The following DST variants were observed in gnomAD, a reference collection of about 807,000 sequenced individuals.
DST encodes bullous pemphigoid antigen.
A neutral mutation model predicts 875.2 loss-of-function variants in DST; 253 were observed. That is an observed-to-expected ratio of 0.29 (90% CI 0.26 to 0.32). The LOEUF (loss-of-function observed/expected upper bound fraction) is 0.32. Ranked by LOEUF, DST falls within the 10% of genes least tolerant of loss-of-function variation. The pLI is 1.00. For missense variants in DST, 8,287 were observed against 9,111.6 expected, an observed-to-expected ratio of 0.91 and a Z score of 3.68; for synonymous variants, 3,124 against 3,197.1, an observed-to-expected ratio of 0.98 and a Z score of 0.77.
chr6:56,634,494 T>C lies in DST; in HGVS notation c.3462A>G (p.Pro1154=). The part of the protein sequence containing the change: ...MVPSVCFTVP[P]PNKEAVDLAN... Reference sequence around the variant, plus strand: ...CAAGGTCCACCGCTTCTTTGTTTGGTGGAGGAACGGTGAAGCACACAGATG... The same window carrying C: ...CAAGGTCCACCGCTTCTTTGTTTGGCGGAGGAACGGTGAAGCACACAGATG... The change falls in exon 26 of 104, where the codon CCA becomes CCG. Residue 1154 remains proline (P), a synonymous_variant. Coordinates refer to ENST00000680361, the MANE Select transcript of DST (RefSeq NM_001374736.1). The C allele has an allele frequency of 6.2e-7, 1 of 1,614,158 alleles. No individual in the cohort carries two copies.
At chr6:56,559,003 T>G (rs1203628267) in intron 58 of DST, among the ~76,000 whole-genome samples, 4 of 152,106 alleles carry the variant, frequency 2.6e-5, no homozygotes, top group African/African-American at 9.7e-5. Context: ...TTTCAGCACT[T>G]CAACACAGTC....
At chr6:56,645,326 G>A (rs1302670644) in intron 15 of DST, among the ~76,000 whole-genome samples, 1 of 152,140 alleles carries the variant, frequency 6.6e-6, no homozygotes, top group Non-Finnish European at 1.5e-5. Flanking sequence ...GATGTAGTGA[G>A]AGACAAAATG....
At chr6:56,814,672 A>G (rs1007116016) in intron 4 of DST, among the ~76,000 whole-genome samples, 3 of 152,224 alleles carry the variant, frequency 2.0e-5, no homozygotes, top group Non-Finnish European at 4.4e-5. Flanking sequence ...CAGAACTATT[A>G]AAAGCAAACC....
chr6:56,671,815 A>G (rs1202639406), intron 9 of DST, among the ~76,000 whole-genome samples: 1 of 152,234 alleles, frequency 6.6e-6, no homozygotes, highest in Non-Finnish European at 1.5e-5. Context: ...AGGCATATGA[A>G]GAACAAATCA....
At chr6:56,676,741 TG>T (rs1563621297) in intron 9 of DST, among the ~76,000 whole-genome samples, 1 of 145,928 alleles carries the variant, frequency 6.9e-6, no homozygotes, top group African/African-American at 2.5e-5. Flanking sequence ...ACAACATGGA[TG>T]AAACTGGAGG....
intron 2 of DST, among the ~76,000 whole-genome samples, chr6:56,921,505 A>G (rs1437959306): frequency 6.6e-6 from 1 of 152,188 alleles, no homozygotes; most frequent in Non-Finnish European, 1.5e-5. Context: ...TTCCATTTGA[A>G]TCTTTTTTTG....
At chr6:56,601,869 G>T in intron 43 of DST, 193 bp from the exon 44 acceptor site, 1 of 494,032 alleles carries the variant, frequency 2.0e-6, no homozygotes, top group Non-Finnish European at 3.5e-6. Context: ...AAATACCATG[G>T]TAGTTAGTAT....
At chr6:56,878,946 C>T (rs1188148954) in intron 3 of DST, among the ~76,000 whole-genome samples, 1 of 152,154 alleles carries the variant, frequency 6.6e-6, no homozygotes, top group Non-Finnish European at 1.5e-5. Context: ...GACCCAAGGG[C>T]TTTCCATTAT....
intron 9 of DST, among the ~76,000 whole-genome samples, chr6:56,679,718 G>C (rs139798123): frequency 0.017 from 2,618 of 151,964 alleles, 27 homozygotes; most frequent in Middle Eastern, 0.024. Flanking sequence ...GTTGCAGTGA[G>C]CCATGACTAT....
chr6:56,563,774 G>C (rs567125533), intron 55 of DST, among the ~76,000 whole-genome samples: 9 of 152,222 alleles, frequency 5.9e-5, no homozygotes, highest in African/African-American at 2.2e-4. Flanking sequence ...TAAGGAAGGG[G>C]TCCAGTTTCA....
intron 49 of DST, among the ~76,000 whole-genome samples, chr6:56,591,510 A>T (rs1337694868): frequency 6.6e-6 from 1 of 152,214 alleles, no homozygotes; most frequent in East Asian, 1.9e-4. Context: ...GCAATGAATA[A>T]AGCAGACAAA....
chr6:56,529,180 T>G (rs891280313), intron 66 of DST, among the ~76,000 whole-genome samples: 21 of 152,238 alleles, frequency 1.4e-4, no homozygotes, highest in Admixed American at 4.6e-4. Flanking sequence ...GAAAATGGGC[T>G]TTGTGGACAT....
At chr6:56,562,252 AT>A (rs1261451089) in intron 55 of DST, 52 bp from the exon 56 acceptor site, 8 of 1,283,388 alleles carry the variant, frequency 6.2e-6, no homozygotes, top group Non-Finnish European at 7.5e-6. Context: ...ATTTCTATAC[AT>A]TAACAGTAGA....
chr6:56,912,463 A>C (rs1799176207), intron 2 of DST, among the ~76,000 whole-genome samples: 1 of 152,240 alleles, frequency 6.6e-6, no homozygotes, highest in Admixed American at 6.5e-5. Context: ...TTGTGTTCTC[A>C]CAGAAAGTTC....
chr6:56,875,959 C>T (rs1358769994), intron 3 of DST, among the ~76,000 whole-genome samples: 1 of 152,134 alleles, frequency 6.6e-6, no homozygotes, highest in Non-Finnish European at 1.5e-5. Context: ...GAAGCTCTAA[C>T]TCCTCACGAA....
intron 9 of DST, among the ~76,000 whole-genome samples, chr6:56,683,602 C>T (rs1471701426): frequency 6.6e-6 from 1 of 152,150 alleles, no homozygotes; most frequent in Non-Finnish European, 1.5e-5. Flanking sequence ...CAATAACTCT[C>T]TACTGAATAA....
At chr6:56,862,537 C>T (rs769543982) in intron 3 of DST, among the ~76,000 whole-genome samples, 1 of 151,942 alleles carries the variant, frequency 6.6e-6, no homozygotes, top group Admixed American at 6.6e-5. Flanking sequence ...GACACTGGGG[C>T]CCAGACTTCA....
chr6:56,947,488 T>C (rs1227841026), intron 2 of DST, among the ~76,000 whole-genome samples: 1 of 152,126 alleles, frequency 6.6e-6, no homozygotes, highest in African/African-American at 2.4e-5. Context: ...GATCTTGTGA[T>C]TCACCCACCT....
At chr6:56,460,276 A>G (rs760404859) in intron 102 of DST, 22 bp from the exon 103 acceptor site, 6 of 1,613,648 alleles carry the variant, frequency 3.7e-6, no homozygotes, top group Non-Finnish European at 5.1e-6. Flanking sequence ...CAGCAACAAG[A>G]CATTTCAAAA....
Sources: allele counts gnomAD v4.1 joint callset (sites outside exome capture counted in the v4.1 genomes callset), GRCh38; gene constraint gnomAD v4.1.1; transcripts MANE v1.5; gene names NCBI Gene and HGNC (gene_info 2026-07-23, HGNC 2026-07-21).